Variants in HSP90B1 observed in about 807,000 individuals in gnomAD.
The protein encoded by HSP90B1 is heat shock protein 90 beta family member 1.
A neutral mutation model predicts 100.4 loss-of-function variants in HSP90B1; 27 were observed. The ratio of observed to expected loss-of-function variants is 0.27; its 90% CI spans 0.20 to 0.37. The LOEUF is 0.37. Ranked by LOEUF, HSP90B1 falls within the 10% of genes least tolerant of loss-of-function variation. The probability of loss-of-function intolerance (pLI) is 1.00; values close to 1 mark genes in which losing one functional copy is unlikely to be tolerated. For synonymous variants in HSP90B1, 304 were observed against 330.8 expected, an observed-to-expected ratio of 0.92 and a Z score of 0.88; for missense variants, 678 against 960.5, an observed-to-expected ratio of 0.71 and a Z score of 3.89.
chr12:103,939,426 G>T (rs1440488461), intron 7 of HSP90B1, 83 bp from the exon 8 acceptor site: 10 of 625,952 alleles, frequency 1.6e-5, no homozygotes, highest in Non-Finnish European at 2.2e-5. Flanking sequence ...ATAGTCTTTT[G>T]AAATCTACTG....
Position 103,930,634 on chromosome 12 carries a change from G to A in HSP90B1, c.49+70G>A, listed in dbSNP as rs1362452358. Reference sequence around the variant, plus strand: ...GCCGCTTCTCGAAGGTCCTGGGGGCGTTGAACGTGGGAGGGGGGATCCCGG... The same window carrying A: ...GCCGCTTCTCGAAGGTCCTGGGGGCATTGAACGTGGGAGGGGGGATCCCGG... On this transcript the variant is annotated intron_variant, in intron 1 of 17. Transcript: ENST00000299767. This position sits in a 1 kb window ranked among gnomAD's most constrained non-coding sequence, Gnocchi z 4.4. 6 of 1,483,546 alleles carry A rather than the reference G, an allele frequency of 4.0e-6. No homozygotes were observed. The East Asian group carries it at 9.7e-5, about 24-fold the overall frequency. 91.9% of individuals were successfully genotyped at this position (1,483,546 alleles called of 1,614,324 possible).
Position 103,943,545 on chromosome 12 carries a change from A to C in HSP90B1, c.1891-193A>C. ...TATGTTTTTAAAAGGTGGTATTTAA[A>C]CTTCTGACTAGAAAATTCAGATTAT... On this transcript the variant is annotated intron_variant, in intron 13 of 17. Transcript: ENST00000299767. The surrounding 1 kb of genome is among the most constrained non-coding windows in gnomAD (Gnocchi z 5.3). The C allele has an allele frequency of 1.4e-6, 1 of 699,428 alleles. No individual in the cohort carries two copies. Among genetic ancestry groups the C allele is most frequent in the South Asian group, 2.2e-5 (1 of 45,776 alleles). The allele number at this position is 699,428 out of a possible 1,614,324, so 43.3% of individuals were successfully genotyped here. A position where few individuals can be genotyped will look rare whatever the true frequency, so the allele number is the denominator to read the frequency against.
chr12:103,935,123 G>A (rs755773920), intron 5 of HSP90B1, among the ~76,000 whole-genome samples: 8 of 152,202 alleles, frequency 5.3e-5, no homozygotes, highest in Non-Finnish European at 1.0e-4. Flanking sequence ...TAGCAACCAG[G>A]GCTGGGGCTG....
At position 103,938,421 on chromosome 12, in the gene HSP90B1, G is replaced by C. The variant is rs200904772; in HGVS notation, c.937G>C (p.Glu313Gln). 9.4e-6 allele frequency: 15 copies of C among 1,601,422 alleles called. No homozygotes were observed. Among genetic ancestry groups the C allele is most frequent in the East Asian group, 8.9e-5 (4 of 44,772 alleles). ...KEESDDEAAV[E>Q]EEEEEKKPKT... ...AGAATCTGATGATGAAGCTGCAGTA[G>C]AGGAAGAAGAAGAAGAAAAGAAACC... Residue 313 changes from glutamate to glutamine, a missense_variant, in exon 7 of 18, where the codon GAG becomes CAG. By Grantham distance (29) the Glu-to-Gln change is conservative. Around this residue, in one of 8 missense-constraint regions of HSP90B1, gnomAD observed 238 missense variants for 346.7 expected, o/e 0.69. Coordinates refer to ENST00000299767, the MANE Select transcript of HSP90B1 (RefSeq NM_003299.3).
chr12:103,944,109 T>C (rs1458391070), intron 14 of HSP90B1, among the ~76,000 whole-genome samples: 1 of 152,248 alleles, frequency 6.6e-6, no homozygotes, highest in Admixed American at 6.5e-5. Flanking sequence ...ATGGGAATTT[T>C]CTTAATGTGT....
Position 103,932,349 on chromosome 12 carries a change from G to C in HSP90B1, c.225G>C (p.Lys75Asn). 1 of 1,613,406 alleles carries C rather than the reference G, an allele frequency of 6.2e-7. No individual in the cohort carries two copies. The highest frequency in any genetic ancestry group is 8.5e-7 in the Non-Finnish European group (1 of 1,179,576). ...GAGAACTTAGAGAGAAGTCGGAAAAGTTTGCCTTCCAAGCCGAAGTTAACA... is the reference window on the plus strand; with the variant it reads ...GAGAACTTAGAGAGAAGTCGGAAAACTTTGCCTTCCAAGCCGAAGTTAACA... ...QIRELREKSE[K>N]FAFQAEVNRM... Residue 75 changes from lysine (K) to asparagine (N), a missense_variant, in exon 3 of 18, where the codon AAG (lysine) becomes AAC (asparagine). Physicochemically the swap from Lys to Asn is moderately conservative, Grantham distance 94. Transcript: ENST00000299767.
At position 103,937,799 on chromosome 12, in the gene HSP90B1, G is replaced by A. The variant is rs2136214547; in HGVS notation, c.848G>A (p.Ser283Asn). Residue 283 changes from serine (S) to asparagine (N), a missense_variant, in exon 6 of 18, where the codon AGC (serine) becomes AAC (asparagine). By Grantham distance (46) the Ser-to-Asn change is conservative (BLOSUM62 1). Around this residue, in one of 8 missense-constraint regions of HSP90B1, gnomAD observed 238 missense variants for 346.7 expected, o/e 0.69. Transcript: ENST00000299767. ...ATAAACTTTCCTATTTATGTATGGAGCAGCAAGGTAAATCTATATTGATTA... is the reference window on the plus strand; with the variant it reads ...ATAAACTTTCCTATTTATGTATGGAACAGCAAGGTAAATCTATATTGATTA... ...QFINFPIYVW[S>N]SKTETVEEPM... 1.4e-6 allele frequency: 2 copies of A among 1,455,816 alleles called. No individual in the cohort carries two copies. The highest frequency in any genetic ancestry group is 4.1e-4 in the Middle Eastern group (2 of 4,858). The allele number at this position is 1,455,816 out of a possible 1,614,324, so 90.2% of individuals were successfully genotyped here.
In HSP90B1 at chr12:103,930,862, T is replaced by C. The variant is rs1007652; in HGVS notation, c.49+298T>C. Among the ~76,000 whole-genome samples the C allele has an allele frequency of 0.087, 11,305 of 129,348 alleles. 604 individuals are homozygous for C. Among genetic ancestry groups the C allele is most frequent in the Admixed American group, 0.17 (2,290 of 13,590 alleles). The allele number at this position is 129,348 out of a possible 152,430, so 84.9% of individuals were successfully genotyped here. ...CTGGCTCCCCCGGGAGCTGTGCGAGTCCCTCCCCCCTCCCCGCCCGGAGGA... is the reference window on the plus strand; with the variant it reads ...CTGGCTCCCCCGGGAGCTGTGCGAGCCCCTCCCCCCTCCCCGCCCGGAGGA... On this transcript the variant is annotated intron_variant, in intron 1 of 17. Transcript: ENST00000299767. The surrounding 1 kb of genome is among the most constrained non-coding windows in gnomAD (Gnocchi z 4.4).
rs143727498 is a variant in HSP90B1, at chr12:103,943,231, G to A, written c.1802G>A (p.Ser601Asn). The A allele has an allele frequency of 1.9e-6, 3 of 1,614,198 alleles. No individual in the cohort carries two copies. The highest frequency in any genetic ancestry group is 1.7e-5 in the Admixed American group (1 of 60,018). The change falls in exon 13 of 18, where the codon AGT (serine) becomes AAT (asparagine). Residue 601 changes from serine to asparagine, a missense_variant. Physicochemically the swap from Ser to Asn is conservative, Grantham distance 46. This residue lies in a region of HSP90B1 where 170 missense variants were observed against 236.7 expected (regional missense o/e 0.72). Coordinates refer to ENST00000299767, the MANE Select transcript of HSP90B1 (RefSeq NM_003299.3). This position sits in a 1 kb window ranked among gnomAD's most constrained non-coding sequence, Gnocchi z 5.3. ...VAKEGVKFDE[S>N]EKTKESREAV... ...AAGGAAGGAGTGAAGTTCGATGAAA[G>A]TGAGAAAACTAAGGAGAGTCGTGAA...
At chr12:103,937,887 G>A in intron 6 of HSP90B1, 81 bp downstream of exon 6, 2 of 739,034 alleles carry the variant, frequency 2.7e-6, no homozygotes, top group Non-Finnish European at 4.5e-6. Flanking sequence ...ATGAAGGCAG[G>A]CCGGCGCGGT....
chr12:103,939,682 C>G (rs1419911117), intron 8 of HSP90B1, 57 bp downstream of exon 8: 1 of 785,232 alleles, frequency 1.3e-6, no homozygotes, highest in South Asian at 1.9e-5. Flanking sequence ...AAATATCACC[C>G]TCTTAGTTTA....
At position 103,932,343 on chromosome 12, in the gene HSP90B1, G is replaced by A. The variant is rs11547724; in HGVS notation, c.219G>A (p.Ser73=). Residue 73 remains serine, a synonymous_variant, in exon 3 of 18, where the codon TCG becomes TCA. Transcript: ENST00000299767. ...ASQIRELREK[S]EKFAFQAEVN... Reference sequence around the variant, plus strand: ...AAATAAGAGAACTTAGAGAGAAGTCGGAAAAGTTTGCCTTCCAAGCCGAAG... The same window carrying A: ...AAATAAGAGAACTTAGAGAGAAGTCAGAAAAGTTTGCCTTCCAAGCCGAAG... 10,807 of 1,612,802 alleles carry A rather than the reference G, an allele frequency of 6.7e-3. 47 individuals are homozygous for A. The highest frequency in any genetic ancestry group is 8.7e-3 in the Non-Finnish European group (10,264 of 1,179,104).
intron 2 of HSP90B1, 41 bp downstream of exon 2, chr12:103,931,664 T>C (rs1566164555): frequency 7.2e-7 from 1 of 1,394,544 alleles, no homozygotes; most frequent in Admixed American, 1.7e-5. Flanking sequence ...ATAAGCCGTG[T>C]GAACCTTGTG....
chr12:103,942,011 G>C lies in HSP90B1; in HGVS notation c.1374+114G>C, dbSNP rs1870095732. 3 of 749,064 alleles carry C rather than the reference G, an allele frequency of 4.0e-6. No individual in the cohort carries two copies. The African/African-American group carries it at 5.2e-5, about 13-fold the overall frequency. 46.4% of individuals were successfully genotyped at this position (749,064 alleles called of 1,614,324 possible). A position where few individuals can be genotyped will look rare whatever the true frequency, so the allele number is the denominator to read the frequency against. ...GGGTCTGGTCCATGATTCTTCAGAT[G>C]AATTTCCTTTCTTTCTGGAGTTATC... On this transcript the variant is annotated intron_variant, in intron 11 of 17. Coordinates refer to ENST00000299767, the MANE Select transcript of HSP90B1 (RefSeq NM_003299.3).
chr12:103,934,920 C>T (rs1021491026), intron 5 of HSP90B1, among the ~76,000 whole-genome samples: 32 of 152,102 alleles, frequency 2.1e-4, no homozygotes, highest in Admixed American at 6.5e-5. Flanking sequence ...AGGCTGGTCT[C>T]GAACTCCCGA....
At chr12:103,932,463 T>C (rs761686174) in intron 3 of HSP90B1, 45 bp downstream of exon 3, 2 of 1,519,252 alleles carry the variant, frequency 1.3e-6, no homozygotes, top group Non-Finnish European at 1.8e-6. Flanking sequence ...TATGGTGGCA[T>C]ACTTGTTTAC....
intron 5 of HSP90B1, among the ~76,000 whole-genome samples, chr12:103,936,828 T>C (rs909722724): frequency 6.6e-6 from 1 of 152,066 alleles, no homozygotes; most frequent in Non-Finnish European, 1.5e-5. Context: ...CCCAAATCAC[T>C]AGAACATGTG....
At chr12:103,931,160 C>T (rs549989482) in intron 1 of HSP90B1, among the ~76,000 whole-genome samples, 2 of 152,314 alleles carry the variant, frequency 1.3e-5, no homozygotes, top group East Asian at 1.9e-4. Flanking sequence ...CCTGTGCTAA[C>T]GAAGGCCGAA....
intron 11 of HSP90B1, 96 bp from the exon 12 acceptor site, chr12:103,942,431 T>C (rs1593491425): frequency 2.7e-6 from 3 of 1,098,116 alleles, no homozygotes; most frequent in East Asian, 2.5e-5. Context: ...AATAACGATA[T>C]CGTCTTTGTG....
Sources: gnomAD v4.1 joint callset for allele counts (sites outside exome capture counted in the v4.1 genomes callset) on GRCh38, gnomAD v4.1.1 for gene constraint, gnomAD v4.1.1 regional missense constraint, Gnocchi (gnomAD v3.1) non-coding constraint, MANE v1.5 for transcripts, NCBI Gene and HGNC (gene_info 2026-07-23, HGNC 2026-07-21) for gene names.